ZNF605: variants seen among roughly 807,000 people sequenced by gnomAD.
The protein encoded by ZNF605 is zinc finger protein 605.
Under a neutral mutation model 7.9 loss-of-function variants are expected in ZNF605, and 9 were observed. That is an observed-to-expected ratio of 1.14 (90% CI 0.68 to 1.98). The LOEUF (loss-of-function observed/expected upper bound fraction) is 1.98. Among genes scored for constraint, ZNF605 ranks in the 30% most tolerant of loss-of-function variants. The probability of loss-of-function intolerance (pLI) is 0.00; values close to 1 mark genes in which losing one functional copy is unlikely to be tolerated. For synonymous variants in ZNF605, 255 were observed against 260.1 expected (o/e 0.98, Z 0.19); for missense variants, 673 against 762.4 (o/e 0.88, Z 1.38).
chr12:132,939,451 T>A (rs1479421134), intron 3 of ZNF605, among the ~76,000 whole-genome samples: 112 of 150,730 alleles, frequency 7.4e-4, no homozygotes, highest in Non-Finnish European at 1.1e-3. Context: ...CCCTGTGTTT[T>A]GCTCAAGGTT....
chr12:132,930,256 A>C (rs1952294149), intron 4 of ZNF605, among the ~76,000 whole-genome samples: 2 of 151,812 alleles, frequency 1.3e-5, no homozygotes, highest in East Asian at 1.9e-4. Context: ...CGGGCCTGCA[A>C]CTCCCAGCCT....
intron 3 of ZNF605, among the ~76,000 whole-genome samples, chr12:132,935,991 G>A (rs1952361584): frequency 6.6e-6 from 1 of 151,712 alleles, no homozygotes. Flanking sequence ...AACCCAGGAG[G>A]TGGAGCTTGC....
intron 1 of ZNF605, among the ~76,000 whole-genome samples, chr12:132,953,520 G>A (rs1456627137): frequency 2.0e-5 from 3 of 152,138 alleles, no homozygotes; most frequent in Admixed American, 6.6e-5. Context: ...TCTGCCTCCT[G>A]GGTTCAAGCA....
intron 1 of ZNF605, among the ~76,000 whole-genome samples, chr12:132,954,555 C>T (rs1050414437): frequency 1.9e-3 from 244 of 130,590 alleles, no homozygotes; most frequent in African/African-American, 6.7e-3. Context: ...CTCACAGAGC[C>T]CCTCCCCTGT....
rs994180472 is a variant in ZNF605, at chr12:132,941,579, C to T, written c.15+4042G>A. 4.6e-5 allele frequency among the ~76,000 whole-genome samples: 7 copies of T among 152,222 alleles called. No homozygotes were observed. The highest frequency in any genetic ancestry group is 1.3e-4 in the Admixed American group (2 of 15,286). ...TCATGGGGCGTCTGAGGAACCGTATCGCTCACGAGCAACAGGGTAACTGAC... is the reference window on the plus strand; with the variant it reads ...TCATGGGGCGTCTGAGGAACCGTATTGCTCACGAGCAACAGGGTAACTGAC... On this transcript the variant is annotated intron_variant, in intron 3 of 4. Coordinates refer to ENST00000360187, the MANE Select transcript of ZNF605 (RefSeq NM_183238.4). The surrounding 1 kb of genome is among the most constrained non-coding windows in gnomAD (Gnocchi z 5.1).
chr12:132,927,909 C>A (rs1952264934), intron 4 of ZNF605, among the ~76,000 whole-genome samples: 1 of 152,270 alleles, frequency 6.6e-6, no homozygotes, highest in East Asian at 1.9e-4. Context: ...CCTGCCTCGG[C>A]CTCCCAAAGT....
Position 132,936,845 on chromosome 12 carries a change from G to A in ZNF605, c.16-3690C>T, listed in dbSNP as rs11831001. On this transcript the variant is annotated intron_variant, in intron 3 of 4. Coordinates refer to ENST00000360187, the MANE Select transcript of ZNF605 (RefSeq NM_183238.4). Reference sequence around the variant, plus strand: ...AACACCAAAAGCCTGATCAATTTAAGAAAAAAATTTGATAAATTGGACTTT... The same window carrying A: ...AACACCAAAAGCCTGATCAATTTAAAAAAAAAATTTGATAAATTGGACTTT... 3.3e-3 allele frequency among the ~76,000 whole-genome samples: 508 copies of A among 152,164 alleles called. 2 individuals carry two copies. Among genetic ancestry groups the A allele is most frequent in the Middle Eastern group, 0.017 (5 of 294 alleles).
At position 132,923,924 on chromosome 12, in the gene ZNF605, A is replaced by G. The variant is rs182433721; in HGVS notation, c.*1449T>C. ...TGGTAGTTTTTATTCTTACTCTTCAAGTTCATTGATTTTTTCTTCTTTTTC... is the reference window on the plus strand; with the variant it reads ...TGGTAGTTTTTATTCTTACTCTTCAGGTTCATTGATTTTTTCTTCTTTTTC... On this transcript the variant is annotated 3_prime_UTR_variant, in exon 5 of 5. Coordinates refer to ENST00000360187, the MANE Select transcript of ZNF605 (RefSeq NM_183238.4). The G allele has an allele frequency of 6.6e-6, 1 of 151,768 alleles. No homozygotes were observed. The highest frequency in any genetic ancestry group is 6.6e-5 in the Admixed American group (1 of 15,260). 9.4% of individuals were successfully genotyped at this position (151,768 alleles called of 1,614,324 possible). A position where few individuals can be genotyped will look rare whatever the true frequency, so the allele number is the denominator to read the frequency against.
rs376727433 is a variant in ZNF605, at chr12:132,937,288, G to A, written c.16-4133C>T. Among the ~76,000 whole-genome samples, 684 of 149,872 alleles carry A rather than the reference G, an allele frequency of 4.6e-3. 1 individual carries two copies. Among genetic ancestry groups the A allele is most frequent in the Non-Finnish European group, 8.1e-3 (546 of 67,734 alleles). On this transcript the variant is annotated intron_variant, in intron 3 of 4. Transcript: ENST00000360187. ...GGAGGATAATTGCTTGAACCCAGGA[G>A]GCAGAGGTTGCAGTGAGCCGAGATG...
At chr12:132,952,185 G>A (rs1000070213) in intron 1 of ZNF605, among the ~76,000 whole-genome samples, 13 of 152,004 alleles carry the variant, frequency 8.6e-5, no homozygotes, top group African/African-American at 2.4e-4. Flanking sequence ...GGCCAGGCGC[G>A]GTGGCTCACG....
At chr12:132,950,194 G>C (rs1445496085) in intron 1 of ZNF605, among the ~76,000 whole-genome samples, 2 of 152,014 alleles carry the variant, frequency 1.3e-5, no homozygotes, top group South Asian at 2.1e-4. Context: ...GACCCTTTTT[G>C]AGTGAATGCA....
In ZNF605 at chr12:132,920,417, G is replaced by C. The variant is rs999921327; in HGVS notation, c.*4956C>G. ...GCCTCCCAAAGTGCTGGGATTACAG[G>C]CGTGAGCCACCGCGCCTGGCCTGGT... On this transcript the variant is annotated 3_prime_UTR_variant, in exon 5 of 5. Coordinates refer to ENST00000360187, the MANE Select transcript of ZNF605 (RefSeq NM_183238.4). 6.6e-6 allele frequency: 1 copy of C among 152,248 alleles called. No homozygotes were observed. Among genetic ancestry groups the C allele is most frequent in the Admixed American group, 6.5e-5 (1 of 15,280 alleles). 9.4% of individuals were successfully genotyped at this position (152,248 alleles called of 1,614,324 possible). A position where few individuals can be genotyped will look rare whatever the true frequency, so the allele number is the denominator to read the frequency against.
In ZNF605 at chr12:132,926,748, A is replaced by C; in HGVS notation, c.551T>G (p.Leu184Arg). ...TGTATGAGTTCTCTGGTGTATAACA[A>C]GTTGTGACTTCTTGTTAAAAAATCT... The part of the protein sequence containing the change: ...CGRFFNKKSQ[L>R]VIHQRTHTGE... Residue 184 changes from leucine (L) to arginine (R), a missense_variant, in exon 5 of 5, where the codon CTT becomes CGT. Physicochemically the swap from Leu to Arg is moderately radical, Grantham distance 102. Coordinates refer to ENST00000360187, the MANE Select transcript of ZNF605 (RefSeq NM_183238.4). The C allele has an allele frequency of 1.9e-6, 3 of 1,613,964 alleles. No homozygotes were observed. Among genetic ancestry groups the C allele is most frequent in the Non-Finnish European group, 2.5e-6 (3 of 1,179,838 alleles).
intron 3 of ZNF605, among the ~76,000 whole-genome samples, chr12:132,937,362 A>T (rs1159692663): frequency 1.5e-5 from 2 of 136,648 alleles, no homozygotes; most frequent in Admixed American, 1.4e-4. Context: ...TCTGTCTCAA[A>T]AAAAAAAAAA....
At chr12:132,952,508 G>C (rs1484515622) in intron 1 of ZNF605, among the ~76,000 whole-genome samples, 1 of 150,066 alleles carries the variant, frequency 6.7e-6, no homozygotes, top group Non-Finnish European at 1.5e-5. Context: ...ATGGGCAGAA[G>C]ATATTCCTCC....
intron 4 of ZNF605, among the ~76,000 whole-genome samples, chr12:132,928,176 A>G (rs1393651646): frequency 6.6e-6 from 1 of 152,232 alleles, no homozygotes; most frequent in African/African-American, 2.4e-5. Flanking sequence ...AAAACATAAA[A>G]ATGCAACATT....
chr12:132,925,437 T>G lies in ZNF605; in HGVS notation c.1862A>C (p.Glu621Ala). ...CTTCCTGTTGAAGGTGGTCCCACAC[T>G]CATTGCATCCATAGTATTTATCTCC... Reference protein sequence around the residue: ...HTGDKYYGCNECGTTFNRKSQ... With the variant: ...HTGDKYYGCNACGTTFNRKSQ... The change falls in exon 5 of 5, where the codon GAG (glutamate) becomes GCG (alanine). Residue 621 changes from glutamate to alanine, a missense_variant. Coordinates refer to ENST00000360187, the MANE Select transcript of ZNF605 (RefSeq NM_183238.4). The G allele has an allele frequency of 6.2e-7, 1 of 1,613,922 alleles. No individual in the cohort carries two copies. The highest frequency in any genetic ancestry group is 8.5e-7 in the Non-Finnish European group (1 of 1,179,848).
intron 1 of ZNF605, among the ~76,000 whole-genome samples, chr12:132,953,605 T>C (rs1952597616): frequency 6.6e-6 from 1 of 152,066 alleles, no homozygotes; most frequent in Admixed American, 6.6e-5. Context: ...TTTTGTATTT[T>C]TAGTAGAGAC....
Position 132,945,786 on chromosome 12 carries a change from G to T in ZNF605, c.-151C>A. On this transcript the variant is annotated 5_prime_UTR_variant, in exon 3 of 5. The change creates a new upstream start codon in the 5' untranslated region. Transcript: ENST00000360187. ...ATCTCACATGAATTGTCTTGTTCCAGAGGGCTATTGCCTGTGGATGCAGTG... is the reference window on the plus strand; with the variant it reads ...ATCTCACATGAATTGTCTTGTTCCATAGGGCTATTGCCTGTGGATGCAGTG... 1.8e-6 allele frequency: 2 copies of T among 1,112,312 alleles called. No individual in the cohort carries two copies. Among genetic ancestry groups the T allele is most frequent in the Non-Finnish European group, 2.7e-6 (2 of 730,840 alleles). The allele number at this position is 1,112,312 out of a possible 1,614,324, so 68.9% of individuals were successfully genotyped here. A position where few individuals can be genotyped will look rare whatever the true frequency, so the allele number is the denominator to read the frequency against.
Sources: allele counts gnomAD v4.1 joint callset (sites outside exome capture counted in the v4.1 genomes callset), GRCh38; gene constraint gnomAD v4.1.1; non-coding constraint Gnocchi (gnomAD v3.1); transcripts MANE v1.5; gene names NCBI Gene and HGNC (gene_info 2026-07-23, HGNC 2026-07-21).